The following RAB8B variants were observed in gnomAD, a reference collection of about 807,000 sequenced individuals.
The protein encoded by RAB8B is ras-related protein Rab-8B.
RAB8B carries 11 observed loss-of-function variants against 32.0 expected under a neutral mutation model. That is an observed-to-expected ratio of 0.34 (90% CI 0.22 to 0.57). The LOEUF is 0.57. Among genes scored for constraint, RAB8B ranks in the 20% least tolerant of loss-of-function variants. The pLI, the probability that RAB8B is intolerant of heterozygous loss-of-function variation, is 0.86. For missense variants in RAB8B, 190 were observed against 258.5 expected, an observed-to-expected ratio of 0.73 and a Z score of 1.82; for synonymous variants, 103 against 89.6, an observed-to-expected ratio of 1.15 and a Z score of -0.85.
At chr15:63,255,637 G>A (rs1422588756) in intron 4 of RAB8B, 53 bp downstream of exon 4, 1 of 1,428,136 alleles carries the variant, frequency 7.0e-7, no homozygotes, top group African/African-American at 1.4e-5. Context: ...CTGGGTGCTT[G>A]TAAAAGGCTC....
chr15:63,254,144 A>G (rs1039277646), intron 3 of RAB8B, among the ~76,000 whole-genome samples: 4 of 152,132 alleles, frequency 2.6e-5, no homozygotes, highest in African/African-American at 9.7e-5. Flanking sequence ...AGAGATTTAC[A>G]ATGTTTCTGC....
In RAB8B at chr15:63,189,619, G is replaced by A; in HGVS notation, c.-6G>A. On this transcript the variant is annotated 5_prime_UTR_variant, in exon 1 of 8. Coordinates refer to ENST00000321437, the MANE Select transcript of RAB8B (RefSeq NM_016530.3). ...GGCTCCCCGGTCAGAGGGCCGGAGC[G>A]AGAAGATGGCGAAGACGTACGATTA... 3 of 1,613,564 alleles carry A rather than the reference G, an allele frequency of 1.9e-6. No homozygotes were observed. The highest frequency in any genetic ancestry group is 2.5e-6 in the Non-Finnish European group (3 of 1,179,760).
intron 1 of RAB8B, among the ~76,000 whole-genome samples, chr15:63,194,999 T>C (rs1449709357): frequency 2.6e-5 from 4 of 152,218 alleles, no homozygotes; most frequent in African/African-American, 7.2e-5. Flanking sequence ...AAAAACAAAC[T>C]TTGTCATATT....
At chr15:63,223,536 A>G (rs776317733) in intron 1 of RAB8B, among the ~76,000 whole-genome samples, 7 of 152,236 alleles carry the variant, frequency 4.6e-5, no homozygotes, top group African/African-American at 7.2e-5. Flanking sequence ...CATACTATAT[A>G]AGTTTGTAGC....
intron 1 of RAB8B, among the ~76,000 whole-genome samples, chr15:63,209,326 C>G (rs1010881822): frequency 2.0e-5 from 3 of 151,870 alleles, no homozygotes; most frequent in Non-Finnish European, 4.4e-5. Flanking sequence ...TGCAGTGGCT[C>G]ACACTTGTAA....
intron 1 of RAB8B, among the ~76,000 whole-genome samples, chr15:63,198,033 T>A (rs1416333574): frequency 1.3e-5 from 2 of 152,196 alleles, no homozygotes; most frequent in Admixed American, 6.5e-5. Context: ...GCCCTTTTCC[T>A]ATGTTCAGTT....
At chr15:63,196,791 T>C (rs2037603498) in intron 1 of RAB8B, among the ~76,000 whole-genome samples, 1 of 152,254 alleles carries the variant, frequency 6.6e-6, no homozygotes, top group Non-Finnish European at 1.5e-5. Context: ...TATAAAATGC[T>C]ACATATCTTT....
intron 6 of RAB8B, among the ~76,000 whole-genome samples, chr15:63,262,285 T>C (rs1328596044): frequency 1.3e-5 from 2 of 152,304 alleles, no homozygotes; most frequent in East Asian, 1.9e-4. Flanking sequence ...AAGGGTGTTA[T>C]TGTGATATTA....
At chr15:63,256,673 A>T in intron 5 of RAB8B, 79 bp downstream of exon 5, 1 of 1,083,334 alleles carries the variant, frequency 9.2e-7, no homozygotes. Context: ...TTAATTATTG[A>T]TTTTTTTTAA....
At position 63,259,264 on chromosome 15, in the gene RAB8B, C is replaced by T. The variant is rs952156840; in HGVS notation, c.415-363C>T. Among the ~76,000 whole-genome samples the T allele has an allele frequency of 3.3e-5, 5 of 151,804 alleles. No individual in the cohort carries two copies. Among genetic ancestry groups the T allele is most frequent in the Non-Finnish European group, 5.9e-5 (4 of 67,912 alleles). On this transcript the variant is annotated intron_variant, in intron 5 of 7. Coordinates refer to ENST00000321437, the MANE Select transcript of RAB8B (RefSeq NM_016530.3). This position sits in a 1 kb window ranked among gnomAD's most constrained non-coding sequence, Gnocchi z 4.4. ...CCTCCCGGGTAGCTGGGACTACAGG[C>T]GGGTGCCACCACGCCCGGCTAATTT...
At chr15:63,212,293 GT>G (rs2037754464) in intron 1 of RAB8B, among the ~76,000 whole-genome samples, 2 of 152,202 alleles carry the variant, frequency 1.3e-5, no homozygotes, top group African/African-American at 2.4e-5. Context: ...AGGTCACCAT[GT>G]TTATCATTTT....
intron 2 of RAB8B, among the ~76,000 whole-genome samples, chr15:63,245,216 T>C (rs2038061614): frequency 6.6e-6 from 1 of 152,234 alleles, no homozygotes; most frequent in Non-Finnish European, 1.5e-5. Context: ...TGCCTCCAAA[T>C]TGAGGGCTTT....
At chr15:63,240,758 C>T (rs549622341) in intron 1 of RAB8B, among the ~76,000 whole-genome samples, 19 of 146,492 alleles carry the variant, frequency 1.3e-4, no homozygotes, top group Admixed American at 6.2e-4. Context: ...GGCTAAGTGT[C>T]ACCATCTTGT....
At chr15:63,215,432 A>G (rs1461983608) in intron 1 of RAB8B, among the ~76,000 whole-genome samples, 2 of 152,238 alleles carry the variant, frequency 1.3e-5, no homozygotes, top group Non-Finnish European at 2.9e-5. Flanking sequence ...AGTAATTTTT[A>G]TACTTATATA....
At chr15:63,218,674 G>T (rs1393359598) in intron 1 of RAB8B, among the ~76,000 whole-genome samples, 1 of 152,122 alleles carries the variant, frequency 6.6e-6, no homozygotes, top group East Asian at 1.9e-4. Context: ...TTTGTGATGG[G>T]CGTTTCTCTC....
intron 1 of RAB8B, among the ~76,000 whole-genome samples, chr15:63,237,053 T>C (rs1425907643): frequency 6.6e-6 from 1 of 152,236 alleles, no homozygotes; most frequent in African/African-American, 2.4e-5. Flanking sequence ...TCCAGTTCCA[T>C]CCATGTTGAT....
chr15:63,263,376 A>G (rs2038217687), intron 7 of RAB8B, 151 bp from the exon 8 acceptor site: 1 of 603,238 alleles, frequency 1.7e-6, no homozygotes, highest in Non-Finnish European at 2.9e-6. Context: ...GTGCTTAACT[A>G]GTTCCCGTTC....
intron 1 of RAB8B, among the ~76,000 whole-genome samples, chr15:63,230,771 C>T (rs566695813): frequency 6.6e-6 from 1 of 152,328 alleles, no homozygotes; most frequent in South Asian, 2.1e-4. Context: ...TCATAGCTCA[C>T]TGTAGCCTTG....
At chr15:63,202,522 A>G (rs2037661609) in intron 1 of RAB8B, among the ~76,000 whole-genome samples, 2 of 152,290 alleles carry the variant, frequency 1.3e-5, no homozygotes, top group South Asian at 4.1e-4. Context: ...ACAGGAGGGG[A>G]CAGAGTTTAA....
Sources: allele counts gnomAD v4.1 joint callset (sites outside exome capture counted in the v4.1 genomes callset), GRCh38; gene constraint gnomAD v4.1.1; non-coding constraint Gnocchi (gnomAD v3.1); transcripts MANE v1.5; gene names NCBI Gene and HGNC (gene_info 2026-07-23, HGNC 2026-07-21).